EPHA6: variants seen among roughly 807,000 people sequenced by gnomAD.
EPHA6 encodes ephrin type-A receptor 6.
Under a neutral mutation model 112.0 loss-of-function variants are expected in EPHA6, and 50 were observed. That is an observed-to-expected ratio of 0.45 (90% CI 0.36 to 0.56). EPHA6 has a LOEUF of 0.56. Ranked by LOEUF, EPHA6 falls within the 20% of genes least tolerant of loss-of-function variation. The pLI, the probability that EPHA6 is intolerant of heterozygous loss-of-function variation, is 0.00. For missense variants in EPHA6, 1,280 were observed against 1,417.4 expected (o/e 0.90, Z 1.56); for synonymous variants, 529 against 490.7 (o/e 1.08, Z -1.03).
intron 3 of EPHA6, among the ~76,000 whole-genome samples, chr3:97,121,850 A>T (rs1275932017): frequency 1.3e-5 from 2 of 152,078 alleles, no homozygotes; most frequent in African/African-American, 4.8e-5. Context: ...GGACAGATAT[A>T]TTGAGAATAT....
chr3:97,513,668 G>A (rs759081360), intron 10 of EPHA6, among the ~76,000 whole-genome samples: 58 of 152,106 alleles, frequency 3.8e-4, no homozygotes, highest in Non-Finnish European at 6.5e-4. Flanking sequence ...ACTAGAGACT[G>A]GGGAGAGTGG....
chr3:97,057,595 CAGAGTA>C (rs2108108583), intron 3 of EPHA6, among the ~76,000 whole-genome samples: 2 of 152,240 alleles, frequency 1.3e-5, no homozygotes, highest in East Asian at 3.9e-4. Flanking sequence ...GGCGAATACA[CAGAGTA>C]AAAGTATCAG....
intron 3 of EPHA6, among the ~76,000 whole-genome samples, chr3:97,048,977 A>T (rs950254457): frequency 6.6e-6 from 1 of 152,156 alleles, no homozygotes; most frequent in African/African-American, 2.4e-5. Context: ...GACACGAAGG[A>T]GGTGAGGGAG....
intron 10 of EPHA6, among the ~76,000 whole-genome samples, chr3:97,492,086 G>T (rs1437617417): frequency 2.0e-5 from 3 of 151,916 alleles, no homozygotes; most frequent in African/African-American, 7.3e-5. Flanking sequence ...TTTTTTAAGT[G>T]AATCATTATT....
chr3:97,262,597 G>C (rs1306248720), intron 5 of EPHA6, among the ~76,000 whole-genome samples: 1 of 152,076 alleles, frequency 6.6e-6, no homozygotes, highest in Admixed American at 6.6e-5. Flanking sequence ...TCTGCCACAA[G>C]ACTTTTTGTT....
intron 2 of EPHA6, among the ~76,000 whole-genome samples, chr3:96,961,524 T>C (rs772264232): frequency 6.6e-6 from 1 of 152,224 alleles, no homozygotes; most frequent in Non-Finnish European, 1.5e-5. Flanking sequence ...CATTTTTTAC[T>C]TCGCTTAATA....
intron 3 of EPHA6, among the ~76,000 whole-genome samples, chr3:97,223,624 A>T (rs1306854314): frequency 6.6e-6 from 1 of 152,210 alleles, no homozygotes; most frequent in Non-Finnish European, 1.5e-5. Flanking sequence ...CTACTCTCCG[A>T]GGAAGAGAAA....
In EPHA6 at chr3:97,419,303, C is replaced by CA. The variant is rs571168524; in HGVS notation, c.1731+14035dup. On this transcript the variant is annotated intron_variant, in intron 6 of 17. Coordinates refer to ENST00000389672, the MANE Select transcript of EPHA6 (RefSeq NM_001080448.3). ...GGGCAACAAGAGCAAAACTCCATCA[C>CA]AAAAAACAAACAAACAAACAAACAA... Among the ~76,000 whole-genome samples, 23 of 150,436 alleles carry CA rather than the reference C, an allele frequency of 1.5e-4. No homozygotes were observed. In the South Asian group the frequency reaches 4.4e-3, roughly 29 times the overall value.
intron 5 of EPHA6, among the ~76,000 whole-genome samples, chr3:97,310,022 C>A (rs753119871): frequency 3.3e-5 from 5 of 151,574 alleles, no homozygotes; most frequent in African/African-American, 7.2e-5. Flanking sequence ...TATTATTTAT[C>A]CTAAAGATTC....
chr3:97,480,960 C>A (rs898399483), intron 9 of EPHA6, among the ~76,000 whole-genome samples: 4 of 151,806 alleles, frequency 2.6e-5, no homozygotes. Flanking sequence ...GACGGGATGG[C>A]GGCCGGGAAG....
At chr3:97,306,572 C>A (rs1209550025) in intron 5 of EPHA6, among the ~76,000 whole-genome samples, 1 of 151,736 alleles carries the variant, frequency 6.6e-6, no homozygotes, top group East Asian at 1.9e-4. Context: ...TCCCAGTGAA[C>A]CACAGAAACA....
chr3:97,710,265 C>G (rs2033898750), intron 14 of EPHA6, among the ~76,000 whole-genome samples: 1 of 152,144 alleles, frequency 6.6e-6, no homozygotes, highest in Non-Finnish European at 1.5e-5. Context: ...AAACAGACTG[C>G]CTCTAAAGAT....
chr3:97,263,054 T>C (rs1172746951), intron 5 of EPHA6, among the ~76,000 whole-genome samples: 1 of 152,192 alleles, frequency 6.6e-6, no homozygotes, highest in Non-Finnish European at 1.5e-5. Context: ...ATGTCAAATA[T>C]CTCTTTGGAC....
intron 3 of EPHA6, among the ~76,000 whole-genome samples, chr3:97,089,367 G>T (rs2046996437): frequency 6.6e-6 from 1 of 151,956 alleles, no homozygotes; most frequent in Non-Finnish European, 1.5e-5. Context: ...ATAATTTTTA[G>T]AAATTAAAAT....
chr3:97,456,327 T>C (rs2090682972), intron 7 of EPHA6, among the ~76,000 whole-genome samples: 1 of 152,218 alleles, frequency 6.6e-6, no homozygotes, highest in Non-Finnish European at 1.5e-5. Context: ...TACAGTGTTA[T>C]TAACTATAGT....
At chr3:96,848,085 A>C in intron 1 of EPHA6, among the ~76,000 whole-genome samples, 1 of 152,068 alleles carries the variant, frequency 6.6e-6, no homozygotes, top group East Asian at 1.9e-4. Flanking sequence ...CATGGGTATA[A>C]GTTGACAGTC....
chr3:97,567,359 G>A (rs922171265), intron 11 of EPHA6, among the ~76,000 whole-genome samples: 1 of 152,066 alleles, frequency 6.6e-6, no homozygotes, highest in Non-Finnish European at 1.5e-5. Flanking sequence ...AACTTTGGGG[G>A]ACATCATTGG....
chr3:97,711,352 G>T (rs976263611), intron 14 of EPHA6, among the ~76,000 whole-genome samples: 4 of 151,680 alleles, frequency 2.6e-5, no homozygotes, highest in Non-Finnish European at 4.4e-5. Context: ...GTCTTTATCA[G>T]AAGCAAGAAA....
At chr3:97,170,610 G>A (rs1282088682) in intron 3 of EPHA6, among the ~76,000 whole-genome samples, 1 of 152,068 alleles carries the variant, frequency 6.6e-6, no homozygotes, top group African/African-American at 2.4e-5. Flanking sequence ...CATGGTGCAT[G>A]TCTCTAGTCC....
Sources: allele counts gnomAD v4.1 joint callset (sites outside exome capture counted in the v4.1 genomes callset), GRCh38; gene constraint gnomAD v4.1.1; transcripts MANE v1.5; gene names NCBI Gene and HGNC (gene_info 2026-07-23, HGNC 2026-07-21).